The following VAV2 variants were observed in gnomAD, a reference collection of about 807,000 sequenced individuals.
The protein encoded by VAV2 is guanine nucleotide exchange factor VAV2.
A neutral mutation model predicts 132.5 loss-of-function variants in VAV2; 67 were observed. That is an observed-to-expected ratio of 0.51 (90% CI 0.42 to 0.62). The LOEUF is 0.62. VAV2 is among the 20% of genes least tolerant of loss of function. The pLI is 0.00. For missense variants in VAV2, 938 were observed against 1,153.6 expected (o/e 0.81, Z 2.71); for synonymous variants, 492 against 443.5 (o/e 1.11, Z -1.37).
At chr9:133,923,856 C>G (rs946150542) in intron 2 of VAV2, among the ~76,000 whole-genome samples, 2 of 152,170 alleles carry the variant, frequency 1.3e-5, no homozygotes, top group Non-Finnish European at 2.9e-5. Flanking sequence ...ATGGATGAAG[C>G]TGGAAACCAT....
intron 1 of VAV2, among the ~76,000 whole-genome samples, chr9:133,971,188 G>A (rs926116164): frequency 6.6e-6 from 1 of 152,198 alleles, no homozygotes; most frequent in African/African-American, 2.4e-5. Context: ...AGTCTCCAAA[G>A]CTTGCAGATG....
chr9:133,946,983 G>A (rs1026526264), intron 1 of VAV2, among the ~76,000 whole-genome samples: 2 of 152,094 alleles, frequency 1.3e-5, no homozygotes, highest in African/African-American at 2.4e-5. Flanking sequence ...TCTGGTAGAC[G>A]AACAAATGAA....
Position 133,788,209 on chromosome 9 carries a change from G to A in VAV2, c.1407+145C>T, listed in dbSNP as rs572298785. 89 of 1,148,178 alleles carry A rather than the reference G, an allele frequency of 7.8e-5. No individual in the cohort carries two copies. The South Asian group carries it at 1.3e-3, about 17-fold the overall frequency. 71.1% of individuals were successfully genotyped at this position (1,148,178 alleles called of 1,614,324 possible). A position where few individuals can be genotyped will look rare whatever the true frequency, so the allele number is the denominator to read the frequency against. The stretch of plus-strand genomic sequence containing the variant: ...CAGTGACTCAGAGAGGAGCCTTCCT[G>A]CAGAGCGGAGACGCCCACCCCAACC... On this transcript the variant is annotated intron_variant, in intron 15 of 29. Coordinates refer to ENST00000371850, the MANE Select transcript of VAV2 (RefSeq NM_001134398.2). The surrounding 1 kb of genome is among the most constrained non-coding windows in gnomAD (Gnocchi z 5.3).
Position 133,884,815 on chromosome 9 carries a change from A to C in VAV2, c.322-23383T>G, listed in dbSNP as rs1483150681. 6.6e-6 allele frequency among the ~76,000 whole-genome samples: 1 copy of C among 152,032 alleles called. No homozygotes were observed. The highest frequency in any genetic ancestry group is 1.5e-5 in the Non-Finnish European group (1 of 67,980). On this transcript the variant is annotated intron_variant, in intron 2 of 29. Coordinates refer to ENST00000371850, the MANE Select transcript of VAV2 (RefSeq NM_001134398.2). This position sits in a 1 kb window ranked among gnomAD's most constrained non-coding sequence, Gnocchi z 5.3. ...AGCAGAACCAAACACCCAGGGAAGG[A>C]AGCACCACTGGGCAGGCAGCTCTAT... is the stretch of plus-strand genomic sequence containing the variant.
chr9:133,802,104 G>A lies in VAV2; in HGVS notation c.836+3977C>T, dbSNP rs562789523. ...GCATGGGCCACAGAGTCCCCAGGGG[G>A]CACAGTTTGACTTTTCCCCGAAAAA... On this transcript the variant is annotated intron_variant, in intron 9 of 29. Coordinates refer to ENST00000371850, the MANE Select transcript of VAV2 (RefSeq NM_001134398.2). The surrounding 1 kb of genome is among the most constrained non-coding windows in gnomAD (Gnocchi z 5.8). 5.9e-5 allele frequency among the ~76,000 whole-genome samples: 9 copies of A among 152,200 alleles called. No individual in the cohort carries two copies. The highest frequency in any genetic ancestry group is 1.3e-4 in the Admixed American group (2 of 15,278).
chr9:133,952,897 G>A (rs1223412870), intron 1 of VAV2, among the ~76,000 whole-genome samples: 2 of 147,626 alleles, frequency 1.4e-5, no homozygotes, highest in African/African-American at 2.5e-5. Flanking sequence ...AGGGAGCATG[G>A]CCCCACTGAC....
chr9:133,785,561 G>C (rs1261207676), intron 17 of VAV2, among the ~76,000 whole-genome samples: 1 of 152,194 alleles, frequency 6.6e-6, no homozygotes, highest in African/African-American at 2.4e-5. Flanking sequence ...GTGGCAGAGG[G>C]AGAGCCCTCT....
At chr9:133,942,787 C>T (rs1336805593) in intron 1 of VAV2, among the ~76,000 whole-genome samples, 1 of 152,178 alleles carries the variant, frequency 6.6e-6, no homozygotes, top group Non-Finnish European at 1.5e-5. Context: ...GCCACCCTAA[C>T]CTTTAAGAAG....
Position 133,778,542 on chromosome 9 carries a change from G to A in VAV2, c.1890+220C>T, listed in dbSNP as rs572737082. Among the ~76,000 whole-genome samples, 19 of 152,316 alleles carry A rather than the reference G, an allele frequency of 1.2e-4. No homozygotes were observed. In the South Asian group the frequency reaches 1.7e-3, roughly 13 times the overall value. ...GCCTACCATGTCAAAGCAAACACCC[G>A]GGGAGCCCAAGCTAAGGTTCCCAAG... is the stretch of plus-strand genomic sequence containing the variant. On this transcript the variant is annotated intron_variant, in intron 22 of 29. Coordinates refer to ENST00000371850, the MANE Select transcript of VAV2 (RefSeq NM_001134398.2).
At chr9:133,978,541 A>G (rs71505243) in intron 1 of VAV2, among the ~76,000 whole-genome samples, 1 of 152,248 alleles carries the variant, frequency 6.6e-6, no homozygotes, top group Non-Finnish European at 1.5e-5. Context: ...AAACAAACCA[A>G]CAGAAATACT....
Position 133,957,740 on chromosome 9 carries a change from C to T in VAV2, c.205-18521G>A, listed in dbSNP as rs554559473. Among the ~76,000 whole-genome samples, 8 of 152,296 alleles carry T rather than the reference C, an allele frequency of 5.3e-5. No homozygotes were observed. In the South Asian group the frequency reaches 1.2e-3, roughly 24 times the overall value. On this transcript the variant is annotated intron_variant, in intron 1 of 29. Coordinates refer to ENST00000371850, the MANE Select transcript of VAV2 (RefSeq NM_001134398.2). ...CAAGTGACTGTCACAACCCGAGAGC[C>T]TATGGCCAAGATGAGCTCCACCAAG...
At chr9:133,977,941 ACGCCCCC>A (rs1842566867) in intron 1 of VAV2, among the ~76,000 whole-genome samples, 1 of 103,862 alleles carries the variant, frequency 9.6e-6, no homozygotes, top group Non-Finnish European at 1.9e-5. Context: ...CGCAGCTCCC[ACGCCCCC>A]TGCCTCTGGA....
chr9:133,792,614 G>T (rs976302737), intron 12 of VAV2, among the ~76,000 whole-genome samples: 5 of 151,436 alleles, frequency 3.3e-5, no homozygotes, highest in African/African-American at 1.2e-4. Context: ...GCTGTGCAGG[G>T]TGTGTGTGTG....
rs547085994 is a variant in VAV2, at chr9:133,928,864, C to T, written c.321+10239G>A. Among the ~76,000 whole-genome samples, 73 of 152,254 alleles carry T rather than the reference C, an allele frequency of 4.8e-4. No homozygotes were observed. Among genetic ancestry groups the T allele is most frequent in the African/African-American group, 1.6e-3 (65 of 41,530 alleles). On this transcript the variant is annotated intron_variant, in intron 2 of 29. Transcript: ENST00000371850. The surrounding 1 kb of genome is among the most constrained non-coding windows in gnomAD (Gnocchi z 5.4). ...TGGGTGTGGGGCAGGATACACTGGC[C>T]GGGTGAGGCTGGCACTCCAGGCCAC...
At chr9:133,971,125 ACC>A (rs1479706286) in intron 1 of VAV2, among the ~76,000 whole-genome samples, 17 of 152,198 alleles carry the variant, frequency 1.1e-4, no homozygotes, top group African/African-American at 3.6e-4. Flanking sequence ...TTCCACTCCC[ACC>A]ATCGCTTCCC....
intron 1 of VAV2, among the ~76,000 whole-genome samples, chr9:133,960,066 G>A (rs1037419718): frequency 3.3e-5 from 5 of 152,174 alleles, no homozygotes; most frequent in Non-Finnish European, 1.5e-5. Context: ...CCAGGCCCTC[G>A]TCTCTGAGGC....
chr9:133,794,474 C>T lies in VAV2; in HGVS notation c.1101+1194G>A, dbSNP rs1834627135. 6.6e-6 allele frequency among the ~76,000 whole-genome samples: 1 copy of T among 152,190 alleles called. No individual in the cohort carries two copies. The highest frequency in any genetic ancestry group is 1.5e-5 in the Non-Finnish European group (1 of 68,036). On this transcript the variant is annotated intron_variant, in intron 12 of 29. Transcript: ENST00000371850. This position sits in a 1 kb window ranked among gnomAD's most constrained non-coding sequence, Gnocchi z 4.6. The stretch of plus-strand genomic sequence containing the variant: ...TCAGAGAACCTCTTAGCACCGGCGG[C>T]CAAGCACTGGCCCCACTCCCGTCCC...
In VAV2 at chr9:133,785,863, A is replaced by C. The variant is rs1350620440; in HGVS notation, c.1445T>G (p.Ile482Ser). Residue 482 changes from isoleucine (I) to serine (S), a missense_variant, in exon 17 of 30, where the codon ATT becomes AGT. Transcript: ENST00000371850. ...GAAGCCCTGCTTTCCTTGAAGGTGA[A>C]TTAGGTAGAAGCCGTAGGACCACTG... The part of the protein sequence containing the change: ...GKMWSYGFYL[I>S]HLQGKQGFQF... 1.2e-6 allele frequency: 2 copies of C among 1,613,828 alleles called. No individual in the cohort carries two copies. Among genetic ancestry groups the C allele is most frequent in the Non-Finnish European group, 1.7e-6 (2 of 1,179,898 alleles).
intron 1 of VAV2, among the ~76,000 whole-genome samples, chr9:133,960,194 T>C (rs1841922747): frequency 6.6e-6 from 1 of 152,184 alleles, no homozygotes; most frequent in South Asian, 2.1e-4. Context: ...GTCCAGCGGA[T>C]CCCAGCAAGA....
Sources: gnomAD v4.1 joint callset for allele counts (sites outside exome capture counted in the v4.1 genomes callset) on GRCh38, gnomAD v4.1.1 for gene constraint, Gnocchi (gnomAD v3.1) non-coding constraint, MANE v1.5 for transcripts, NCBI Gene and HGNC (gene_info 2026-07-23, HGNC 2026-07-21) for gene names.